Variants in EXOC6 observed in about 807,000 individuals in gnomAD.
EXOC6 encodes the protein exocyst complex component 6.
In EXOC6, 60 loss-of-function variants were observed where a neutral mutation model predicts 112.5. The ratio of observed to expected loss-of-function variants is 0.53; its 90% confidence interval spans 0.43 to 0.66. The LOEUF (loss-of-function observed/expected upper bound fraction) is 0.66, where lower values mean the gene tolerates loss of function less well. EXOC6 is among the 30% of genes least tolerant of loss of function. The probability of loss-of-function intolerance (pLI) is 0.00; values close to 1 mark genes in which losing one functional copy is unlikely to be tolerated. For missense variants in EXOC6, 855 were observed against 957.1 expected, an observed-to-expected ratio of 0.89 and a Z score of 1.41; for synonymous variants, 295 against 308.0, an observed-to-expected ratio of 0.96 and a Z score of 0.44.
chr10:92,973,600 TC>T (rs1250475458), intron 17 of EXOC6, among the ~76,000 whole-genome samples: 1 of 152,226 alleles, frequency 6.6e-6, no homozygotes, highest in African/African-American at 2.4e-5. Flanking sequence ...TCAATCTCTT[TC>T]TCTTCTGCCT....
rs762735438 is a variant in EXOC6 at position 92,848,578 on chromosome 10, G to A, written c.45G>A (p.Glu15=). ...SESLGTVPEH[E]RILQEIESTD... is the part of the protein sequence containing the mutation. ...GTCTGGGCACCGTCCCCGAGCACGA[G>A]CGGATCTTGCAGGAGATCGAGAGCA... The change falls in exon 1 of 22, where the codon GAG becomes GAA. Residue 15 remains glutamate, a synonymous_variant. Transcript: ENST00000260762. 2 of 1,454,412 alleles carry A rather than the reference G, an allele frequency of 1.4e-6. No individual in the cohort carries two copies. The highest frequency in any genetic ancestry group is 1.9e-4 in the Middle Eastern group (1 of 5,344). The allele number at this position is 1,454,412 out of a possible 1,614,324, so 90.1% of individuals were successfully genotyped here. A position where few individuals can be genotyped will look rare whatever the true frequency, so the allele number is the denominator to read the frequency against.
chr10:92,844,133 G>A (rs538637887), upstream of EXOC6, among the ~76,000 whole-genome samples: 60 of 141,928 alleles, frequency 4.2e-4, 1 homozygote, highest in Admixed American at 1.3e-3. Context: ...CCTGGTGACA[G>A]AGCAAGACTG....
intron 1 of EXOC6, among the ~76,000 whole-genome samples, chr10:92,876,055 A>T (rs1848674384): frequency 6.6e-6 from 1 of 152,086 alleles, no homozygotes; most frequent in East Asian, 1.9e-4. Context: ...TTTGAATTTA[A>T]TATTGACAAT....
At chr10:92,877,793 T>G (rs1848746287) in intron 1 of EXOC6, among the ~76,000 whole-genome samples, 1 of 152,170 alleles carries the variant, frequency 6.6e-6, no homozygotes, top group African/African-American at 2.4e-5. Context: ...GAAAAACATT[T>G]AACAAATTAA....
chr10:92,935,792 G>A (rs202046175), intron 11 of EXOC6, 22 bp from the exon 12 acceptor site: 363 of 1,552,034 alleles, frequency 2.3e-4, no homozygotes, highest in Non-Finnish European at 3.1e-4. Flanking sequence ...GTTTTGTTTT[G>A]TTTGTGTGTT....
intron 13 of EXOC6, among the ~76,000 whole-genome samples, chr10:92,945,126 T>C (rs1397517488): frequency 6.6e-6 from 1 of 152,204 alleles, no homozygotes; most frequent in Non-Finnish European, 1.5e-5. Context: ...TGTTAAGCTT[T>C]GCTTATTCCT....
chr10:93,054,396 A>G (rs898992336), intron 20 of EXOC6, among the ~76,000 whole-genome samples: 1 of 152,234 alleles, frequency 6.6e-6, no homozygotes, highest in Non-Finnish European at 1.5e-5. Context: ...GCAGATTTCT[A>G]CAGATACCTG....
At chr10:92,925,293 C>T (rs1260847370) in intron 8 of EXOC6, among the ~76,000 whole-genome samples, 1 of 151,706 alleles carries the variant, frequency 6.6e-6, no homozygotes, top group Non-Finnish European at 1.5e-5. Context: ...TTTTGTAATT[C>T]CATAAATTTT....
chr10:92,863,571 A>G (rs1046110264), intron 1 of EXOC6, among the ~76,000 whole-genome samples: 32 of 152,096 alleles, frequency 2.1e-4, no homozygotes, highest in Admixed American at 6.6e-5. Flanking sequence ...TGAGCCCAGG[A>G]GGTTGAGACC....
At chr10:92,880,244 T>C (rs1443999408) in intron 1 of EXOC6, among the ~76,000 whole-genome samples, 1 of 152,230 alleles carries the variant, frequency 6.6e-6, no homozygotes, top group Non-Finnish European at 1.5e-5. Flanking sequence ...GTATAATACC[T>C]AATAACAATG....
In EXOC6 at chr10:93,026,720, G is replaced by A. The variant is rs11817210; in HGVS notation, c.2169+12453G>A. 7.1e-3 allele frequency among the ~76,000 whole-genome samples: 1,079 copies of A among 152,274 alleles called. 11 individuals carry two copies. The highest frequency in any genetic ancestry group is 0.024 in the African/African-American group (998 of 41,554). On this transcript the variant is annotated intron_variant, in intron 20 of 21. Transcript: ENST00000260762. ...GTTACCATTGTAATTGTTTTGGGGTGCATGAACCACACCCATATAAGATGA... is the reference window on the plus strand; with the variant it reads ...GTTACCATTGTAATTGTTTTGGGGTACATGAACCACACCCATATAAGATGA...
chr10:93,024,300 G>C (rs1339563280), intron 20 of EXOC6, among the ~76,000 whole-genome samples: 1 of 152,054 alleles, frequency 6.6e-6, no homozygotes, highest in Non-Finnish European at 1.5e-5. Flanking sequence ...TACCACCCTA[G>C]AGCTTCATTT....
intron 5 of EXOC6, chr10:92,900,392 A>G (rs1247941686): frequency 6.6e-6 from 1 of 152,132 alleles, no homozygotes; most frequent in African/African-American, 2.4e-5. Context: ...GTTAGTAACT[A>G]CTTAATTATC....
intron 18 of EXOC6, among the ~76,000 whole-genome samples, chr10:92,991,214 G>T (rs1843225904): frequency 1.3e-5 from 2 of 151,378 alleles, no homozygotes; most frequent in Admixed American, 6.6e-5. Context: ...GAGGTGGGCG[G>T]ATTATGAGGT....
chr10:93,036,281 T>C (rs957975110), intron 20 of EXOC6, among the ~76,000 whole-genome samples: 1 of 152,096 alleles, frequency 6.6e-6, no homozygotes, highest in Non-Finnish European at 1.5e-5. Context: ...TCTTTCACAG[T>C]CATTATTTCC....
At chr10:92,873,942 A>G (rs1848571300) in intron 1 of EXOC6, among the ~76,000 whole-genome samples, 1 of 151,978 alleles carries the variant, frequency 6.6e-6, no homozygotes, top group Admixed American at 6.6e-5. Context: ...AATCCCAGCT[A>G]CTTGGGAGGC....
intron 1 of EXOC6, among the ~76,000 whole-genome samples, chr10:92,841,996 C>G (rs1846869275): frequency 1.3e-5 from 2 of 151,764 alleles, no homozygotes; most frequent in African/African-American, 4.8e-5. Context: ...TCCATGCTCA[C>G]AGGGAGCTTG....
chr10:92,912,478 G>A (rs1173875901), intron 6 of EXOC6, among the ~76,000 whole-genome samples: 1 of 152,232 alleles, frequency 6.6e-6, no homozygotes, highest in East Asian at 1.9e-4. Context: ...TAGTGAGGGC[G>A]GGGTAGGTTA....
intron 1 of EXOC6, among the ~76,000 whole-genome samples, chr10:92,854,909 C>T (rs1847527669): frequency 6.6e-6 from 1 of 151,956 alleles, no homozygotes; most frequent in Non-Finnish European, 1.5e-5. Flanking sequence ...GGGTTTTTTC[C>T]CCCCTTTATT....
Sources: allele counts gnomAD v4.1 joint callset (sites outside exome capture counted in the v4.1 genomes callset), GRCh38; gene constraint gnomAD v4.1.1; transcripts MANE v1.5; gene names NCBI Gene and HGNC (gene_info 2026-07-23, HGNC 2026-07-21).